CDH13: variants seen among roughly 807,000 people sequenced by gnomAD.
The protein encoded by CDH13 is cadherin-13.
Under a neutral mutation model 63.8 loss-of-function variants are expected in CDH13, and 24 were observed. The observed-to-expected ratio is 0.38, with a 90% confidence interval of 0.27 to 0.53. The LOEUF is 0.53. Among genes scored for constraint, CDH13 ranks in the 20% least tolerant of loss-of-function variants. The pLI, the probability that CDH13 is intolerant of heterozygous loss-of-function variation, is 0.85. For synonymous variants in CDH13, 503 were observed against 355.3 expected (o/e 1.42, Z -4.67); for missense variants, 1,049 against 903.1 (o/e 1.16, Z -2.07).
At chr16:82,733,826 A>G (rs2033527930) in intron 1 of CDH13, among the ~76,000 whole-genome samples, 1 of 152,266 alleles carries the variant, frequency 6.6e-6, no homozygotes, top group Non-Finnish European at 1.5e-5. Context: ...TAAAATACCC[A>G]GTTGCCTGAA....
At chr16:82,783,922 A>G (rs2035884562) in intron 1 of CDH13, among the ~76,000 whole-genome samples, 1 of 152,110 alleles carries the variant, frequency 6.6e-6, no homozygotes, top group Non-Finnish European at 1.5e-5. Flanking sequence ...AGAAAAAGAA[A>G]AAAATACTAA....
intron 2 of CDH13, among the ~76,000 whole-genome samples, chr16:82,995,770 T>G (rs193028127): frequency 2.5e-4 from 38 of 152,232 alleles, no homozygotes; most frequent in Admixed American, 2.4e-3. Context: ...TTGTCATGGT[T>G]TACTTCTGAT....
intron 5 of CDH13, among the ~76,000 whole-genome samples, chr16:83,330,141 G>A (rs77866289): frequency 0.071 from 10,745 of 152,178 alleles, 539 homozygotes; most frequent in Non-Finnish European, 0.11. Flanking sequence ...TGTGGTGGTG[G>A]ATACAAGAAC....
intron 5 of CDH13, among the ~76,000 whole-genome samples, chr16:83,330,136 T>C (rs531201422): frequency 2.0e-5 from 3 of 152,176 alleles, no homozygotes; most frequent in African/African-American, 4.8e-5. Flanking sequence ...TGGACTGTGG[T>C]GGTGGATACA....
chr16:83,134,632 A>G (rs1003724590), intron 4 of CDH13, among the ~76,000 whole-genome samples: 1 of 150,878 alleles, frequency 6.6e-6, no homozygotes, highest in African/African-American at 2.4e-5. Context: ...GCCTATGTAT[A>G]TGATGGTGTT....
chr16:83,090,086 T>G (rs1051056203), intron 3 of CDH13, among the ~76,000 whole-genome samples: 7 of 152,126 alleles, frequency 4.6e-5, no homozygotes, highest in African/African-American at 1.4e-4. Context: ...TCGCGTAGAT[T>G]TGAGGCTTTG....
chr16:83,635,067 C>A (rs566125225), intron 8 of CDH13, among the ~76,000 whole-genome samples: 1 of 152,320 alleles, frequency 6.6e-6, no homozygotes. Context: ...CTTCCACATT[C>A]TCACCAGCAT....
At position 83,082,699 on chromosome 16, in the gene CDH13, G is replaced by A. The variant is rs77594423; in HGVS notation, c.367-42686G>A. On this transcript the variant is annotated intron_variant, in intron 3 of 13. Coordinates refer to ENST00000567109, the MANE Select transcript of CDH13 (RefSeq NM_001257.5). ...AAGATCTCACTAAACTGGAGCAATG[G>A]ACTAAAGCCTCAAAGAGGAAATTTC... Among the ~76,000 whole-genome samples the A allele has an allele frequency of 5.7e-4, 87 of 152,222 alleles. No individual in the cohort carries two copies. The East Asian group carries it at 0.016, about 28-fold the overall frequency.
chr16:83,604,935 T>C (rs931737943), intron 8 of CDH13, among the ~76,000 whole-genome samples: 1 of 152,240 alleles, frequency 6.6e-6, no homozygotes, highest in Non-Finnish European at 1.5e-5. Flanking sequence ...CTATTGTTTT[T>C]AATGTCATTG....
chr16:83,366,708 T>A (rs1378687195), intron 6 of CDH13, among the ~76,000 whole-genome samples: 1 of 152,190 alleles, frequency 6.6e-6, no homozygotes, highest in Non-Finnish European at 1.5e-5. Flanking sequence ...GATAGGTCCC[T>A]TAATGTACTT....
At chr16:82,638,775 T>C (rs185660030) in intron 1 of CDH13, among the ~76,000 whole-genome samples, 64 of 128,018 alleles carry the variant, frequency 5.0e-4, no homozygotes, top group African/African-American at 1.7e-3. Flanking sequence ...ATCTTCTTAA[T>C]GTGTCTGCCC....
chr16:83,183,213 CTTTA>C (rs937230470), intron 4 of CDH13, among the ~76,000 whole-genome samples: 26 of 152,270 alleles, frequency 1.7e-4, no homozygotes, highest in African/African-American at 5.8e-4. Context: ...GTGGGAAGTG[CTTTA>C]TTTGAGATAA....
rs546320857 is a variant in CDH13, at chr16:83,301,521, G to A, written c.637-43341G>A. 2.6e-5 allele frequency among the ~76,000 whole-genome samples: 4 copies of A among 152,216 alleles called. No homozygotes were observed. The South Asian group carries it at 8.3e-4, about 32-fold the overall frequency. ...GTGTCAGGGCTGTGTGGCTGTTACA[G>A]AGGAAGGGTCTCGTGGGGAGGGAGC... On this transcript the variant is annotated intron_variant, in intron 5 of 13. Coordinates refer to ENST00000567109, the MANE Select transcript of CDH13 (RefSeq NM_001257.5).
chr16:83,441,902 A>C (rs2072490186), intron 6 of CDH13, among the ~76,000 whole-genome samples: 1 of 152,182 alleles, frequency 6.6e-6, no homozygotes, highest in Non-Finnish European at 1.5e-5. Context: ...TAAATATAGA[A>C]GTTCATTGAT....
chr16:83,629,488 C>A (rs1375468099), intron 8 of CDH13, among the ~76,000 whole-genome samples: 2 of 152,184 alleles, frequency 1.3e-5, no homozygotes, highest in African/African-American at 4.8e-5. Context: ...CCAGGGTTCT[C>A]CAAGGGCTTC....
intron 1 of CDH13, among the ~76,000 whole-genome samples, chr16:82,817,915 A>G (rs1279336312): frequency 1.3e-5 from 2 of 151,712 alleles, no homozygotes; most frequent in Non-Finnish European, 2.9e-5. Flanking sequence ...GCATACATGC[A>G]CATATGCACA....
chr16:83,154,626 T>C (rs2037131024), intron 4 of CDH13, among the ~76,000 whole-genome samples: 1 of 151,800 alleles, frequency 6.6e-6, no homozygotes, highest in Admixed American at 6.6e-5. Context: ...GAGGCCGTAG[T>C]GTTACTGCAG....
intron 4 of CDH13, among the ~76,000 whole-genome samples, chr16:83,153,022 C>G (rs755507118): frequency 6.6e-6 from 1 of 152,170 alleles, no homozygotes; most frequent in Non-Finnish European, 1.5e-5. Flanking sequence ...AGTGGGTTCA[C>G]CTTACCTGCT....
intron 6 of CDH13, among the ~76,000 whole-genome samples, chr16:83,456,281 A>G (rs375696923): frequency 1.1e-4 from 17 of 152,334 alleles, no homozygotes; most frequent in African/African-American, 3.6e-4. Flanking sequence ...ATTTCACTAA[A>G]TCGAATGGAC....
Sources: allele counts gnomAD v4.1 joint callset (sites outside exome capture counted in the v4.1 genomes callset), GRCh38; gene constraint gnomAD v4.1.1; transcripts MANE v1.5; gene names NCBI Gene and HGNC (gene_info 2026-07-23, HGNC 2026-07-21).